Variants in STXBP5L observed in about 807,000 individuals in gnomAD.
STXBP5L encodes the protein syntaxin binding protein 5L.
A neutral mutation model predicts 144.5 loss-of-function variants in STXBP5L; 65 were observed. The ratio of observed to expected loss-of-function variants is 0.45; its 90% CI spans 0.37 to 0.55. The LOEUF (loss-of-function observed/expected upper bound fraction) is 0.55, where lower values mean the gene tolerates loss of function less well. Ranked by LOEUF, STXBP5L falls within the 20% of genes least tolerant of loss-of-function variation. The pLI is 0.00. For missense variants in STXBP5L, 1,298 were observed against 1,405.5 expected, an observed-to-expected ratio of 0.92 and a Z score of 1.22; for synonymous variants, 505 against 469.6, an observed-to-expected ratio of 1.08 and a Z score of -0.97.
intron 7 of STXBP5L, among the ~76,000 whole-genome samples, chr3:121,126,439 C>T (rs1372518736): frequency 6.6e-6 from 1 of 152,080 alleles, no homozygotes; most frequent in Non-Finnish European, 1.5e-5. Context: ...TGTCTCCTGT[C>T]TAAAATAAGC....
intron 9 of STXBP5L, among the ~76,000 whole-genome samples, chr3:121,204,028 A>C (rs1337946995): frequency 1.3e-5 from 2 of 152,128 alleles, no homozygotes; most frequent in Non-Finnish European, 2.9e-5. Context: ...TCACGAGGTC[A>C]GGAGATTGAG....
intron 3 of STXBP5L, among the ~76,000 whole-genome samples, chr3:120,991,073 T>C (rs1407175800): frequency 7.3e-5 from 11 of 151,696 alleles, no homozygotes; most frequent in Admixed American, 1.3e-4. Flanking sequence ...ATTTTTGCAA[T>C]CTACTCATCT....
chr3:121,180,085 A>G (rs2047083163), intron 9 of STXBP5L, among the ~76,000 whole-genome samples: 1 of 152,194 alleles, frequency 6.6e-6, no homozygotes, highest in South Asian at 2.1e-4. Context: ...AAGCTCAAAG[A>G]ACTCCTGGGA....
At chr3:121,024,578 C>A (rs891365434) in intron 3 of STXBP5L, among the ~76,000 whole-genome samples, 2 of 152,118 alleles carry the variant, frequency 1.3e-5, no homozygotes, top group African/African-American at 2.4e-5. Context: ...TCTTGGGTTT[C>A]CACTTCTTTT....
chr3:120,912,095 C>G (rs1210044983), intron 2 of STXBP5L, among the ~76,000 whole-genome samples: 1 of 151,936 alleles, frequency 6.6e-6, no homozygotes, highest in Non-Finnish European at 1.5e-5. Context: ...ATTCTATTTC[C>G]TTAGTATTTC....
chr3:121,107,746 A>T (rs1408169256), intron 5 of STXBP5L, among the ~76,000 whole-genome samples: 1 of 152,070 alleles, frequency 6.6e-6, no homozygotes, highest in African/African-American at 2.4e-5. Flanking sequence ...TAATTCTGTG[A>T]AGAATGTTAG....
At chr3:121,312,137 C>A (rs2108513369) in intron 19 of STXBP5L, among the ~76,000 whole-genome samples, 1 of 152,190 alleles carries the variant, frequency 6.6e-6, no homozygotes, top group East Asian at 1.9e-4. Context: ...ACTGGCTAGC[C>A]ATATGTAGAA....
chr3:120,982,522 G>A (rs940357033), intron 3 of STXBP5L, among the ~76,000 whole-genome samples: 3 of 152,178 alleles, frequency 2.0e-5, no homozygotes, highest in Admixed American at 2.0e-4. Flanking sequence ...ATGACTCTCA[G>A]TTTAGTCAGA....
rs907890246 is a variant in STXBP5L at position 121,205,856 on chromosome 3, A to C, written c.878-67A>C. On this transcript the variant is annotated intron_variant, in intron 9 of 26. Transcript: ENST00000471454. ...CCTTTATCTTTAAATTCCCTTAGTC[A>C]AATTTTTTAATTCTTACAGATGAAT... The C allele has an allele frequency of 5.4e-5, 45 of 835,860 alleles. No individual in the cohort carries two copies. The African/African-American group carries it at 8.2e-4, about 15-fold the overall frequency. 51.8% of individuals were successfully genotyped at this position (835,860 alleles called of 1,614,324 possible).
chr3:121,081,984 C>T (rs774009781), intron 5 of STXBP5L, among the ~76,000 whole-genome samples: 1 of 152,122 alleles, frequency 6.6e-6, no homozygotes, highest in Non-Finnish European at 1.5e-5. Flanking sequence ...ATGTGTCTGT[C>T]CCTCTGCCAA....
At chr3:120,916,213 A>G (rs1444389919) in intron 2 of STXBP5L, among the ~76,000 whole-genome samples, 1 of 152,232 alleles carries the variant, frequency 6.6e-6, no homozygotes, top group Non-Finnish European at 1.5e-5. Context: ...ATAATGGTAT[A>G]TAATGATGCT....
At chr3:121,013,258 A>C (rs1237427072) in intron 3 of STXBP5L, among the ~76,000 whole-genome samples, 1 of 152,006 alleles carries the variant, frequency 6.6e-6, no homozygotes, top group Non-Finnish European at 1.5e-5. Context: ...TTTTACTTTG[A>C]GAAATCTCCA....
chr3:121,103,066 G>A (rs757065287), intron 5 of STXBP5L, among the ~76,000 whole-genome samples: 2 of 152,138 alleles, frequency 1.3e-5, no homozygotes, highest in Non-Finnish European at 2.9e-5. Flanking sequence ...TGCTGGCAAA[G>A]CTGTGGAGAA....
intron 22 of STXBP5L, among the ~76,000 whole-genome samples, chr3:121,392,398 C>T (rs758001888): frequency 1.3e-5 from 2 of 152,088 alleles, no homozygotes; most frequent in African/African-American, 2.4e-5. Flanking sequence ...GCTCACTCTC[C>T]GTGGGCTGCA....
chr3:121,071,412 G>A (rs192252645), intron 5 of STXBP5L, among the ~76,000 whole-genome samples: 39 of 152,294 alleles, frequency 2.6e-4, no homozygotes, highest in Admixed American at 2.2e-3. Flanking sequence ...TGCATGGACC[G>A]ACCAGCCTCT....
At chr3:121,009,083 C>G (rs191692165) in intron 3 of STXBP5L, among the ~76,000 whole-genome samples, 2 of 151,918 alleles carry the variant, frequency 1.3e-5, no homozygotes, top group Middle Eastern at 3.4e-3. Flanking sequence ...TGGTTCCATG[C>G]GTAGCCTCCA....
At chr3:121,377,099 A>G (rs973014212) in intron 20 of STXBP5L, among the ~76,000 whole-genome samples, 17 of 152,264 alleles carry the variant, frequency 1.1e-4, no homozygotes, top group Admixed American at 2.6e-4. Flanking sequence ...ACTTTGCCGA[A>G]GTTGCTTATC....
intron 3 of STXBP5L, among the ~76,000 whole-genome samples, chr3:121,010,623 C>G (rs1944702313): frequency 6.6e-6 from 1 of 151,590 alleles, no homozygotes. Flanking sequence ...ACTTTTGACT[C>G]TACAAAAACT....
intron 3 of STXBP5L, among the ~76,000 whole-genome samples, chr3:120,956,343 C>T (rs2107709427): frequency 6.6e-6 from 1 of 152,004 alleles, no homozygotes; most frequent in African/African-American, 2.4e-5. Context: ...CCCTCTTCTT[C>T]TAGCCCCTGG....
Sources: gnomAD v4.1 joint callset for allele counts (sites outside exome capture counted in the v4.1 genomes callset) on GRCh38, gnomAD v4.1.1 for gene constraint, MANE v1.5 for transcripts, NCBI Gene and HGNC (gene_info 2026-07-23, HGNC 2026-07-21) for gene names.